NOL6: variants seen among roughly 807,000 people sequenced by gnomAD.
NOL6 encodes nucleolar protein 6.
Under a neutral mutation model 131.7 loss-of-function variants are expected in NOL6, and 33 were observed. That is an observed-to-expected ratio of 0.25 (90% CI 0.19 to 0.33). NOL6 has a LOEUF of 0.33. NOL6 is among the 10% of genes least tolerant of loss of function. NOL6 has a pLI of 1.00. For missense variants in NOL6, 1,297 were observed against 1,494.5 expected (o/e 0.87, Z 2.18); for synonymous variants, 580 against 605.7 (o/e 0.96, Z 0.62).
At chr9:33,464,276 A>C (rs1827181860) in intron 21 of NOL6, 115 bp from the exon 22 acceptor site, 34 of 1,181,148 alleles carry the variant, frequency 2.9e-5, no homozygotes, top group South Asian at 3.7e-5. Flanking sequence ...ATTTTTCAAC[A>C]CTCCCCCCCA....
Position 33,466,399 on chromosome 9 carries a change from T to C in NOL6, c.2118A>G (p.Pro706=). ...TEVFPPTPVR[P]AFSFYETLRE... is the part of the protein sequence containing the mutation. ...GCAGAGTCTCATAGAAGGAGAAGGC[T>C]GGACGGACTGGAGTTGGTGGGAACA... is the stretch of plus-strand genomic sequence containing the variant. Residue 706 remains proline, a synonymous_variant, in exon 17 of 26, where the codon CCA becomes CCG. Transcript: ENST00000297990. The C allele has an allele frequency of 6.2e-7, 1 of 1,614,204 alleles. No homozygotes were observed. The highest frequency in any genetic ancestry group is 8.5e-7 in the Non-Finnish European group (1 of 1,180,038).
At chr9:33,472,881 G>T (rs1397141913) in intron 1 of NOL6, among the ~76,000 whole-genome samples, 1 of 148,362 alleles carries the variant, frequency 6.7e-6, no homozygotes, top group Non-Finnish European at 1.5e-5. Flanking sequence ...ACTGAGGCAG[G>T]AAAATCACTT....
chr9:33,463,561 C>A, intron 23 of NOL6, 120 bp from the exon 24 acceptor site: 2 of 920,458 alleles, frequency 2.2e-6, no homozygotes, highest in Non-Finnish European at 3.3e-6. Context: ...TATGGGCCCA[C>A]CTGCCCATTT....
Position 33,468,745 on chromosome 9 carries a change from G to T in NOL6, c.1147+7C>A. The T allele has an allele frequency of 6.2e-7, 1 of 1,614,124 alleles. No individual in the cohort carries two copies. The highest frequency in any genetic ancestry group is 8.5e-7 in the Non-Finnish European group (1 of 1,180,002). On this transcript the variant is annotated splice_region_variant and intron_variant, in intron 8 of 25. Coordinates refer to ENST00000297990, the MANE Select transcript of NOL6 (RefSeq NM_022917.5). ...GCCCCTGGCCTTTCCCCACCTAGTT[G>T]CCTCACCCAGAAACTGCAAGACACT...
intron 19 of NOL6, 81 bp downstream of exon 19, chr9:33,465,653 T>C (rs560833): frequency 0.56 from 819,221 of 1,458,828 alleles, 231,762 homozygotes; most frequent in African/African-American, 0.59. Flanking sequence ...ATCTGGCCCC[T>C]GGAGAGACAG....
Position 33,471,999 on chromosome 9 carries a change from C to T in NOL6, c.378+5G>A, listed in dbSNP as rs1827422724. The T allele has an allele frequency of 6.2e-7, 1 of 1,606,968 alleles. No homozygotes were observed. The highest frequency in any genetic ancestry group is 1.1e-5 in the South Asian group (1 of 90,898). On this transcript the variant is annotated splice_donor_5th_base_variant and intron_variant, in intron 3 of 25. Transcript: ENST00000297990. Reference sequence around the variant, plus strand: ...GCTTCCCAGTTCCCCAGGCCACTTGCTTACCTCTGTCTCAGGGACTGAGGG... The same window carrying T: ...GCTTCCCAGTTCCCCAGGCCACTTGTTTACCTCTGTCTCAGGGACTGAGGG...
At chr9:33,468,480 G>A in intron 9 of NOL6, 28 bp downstream of exon 9, 1 of 1,613,704 alleles carries the variant, frequency 6.2e-7, no homozygotes, top group Non-Finnish European at 8.5e-7. Context: ...AGGCCTCCTG[G>A]CATAGACCTG....
chr9:33,463,341 G>T lies in NOL6; in HGVS notation c.3095C>A (p.Ser1032Tyr), dbSNP rs1389881054. The change falls in exon 24 of 26, where the codon TCC (serine) becomes TAC (tyrosine). Residue 1032 changes from serine (S) to tyrosine (Y), a missense_variant. By Grantham distance (144) the Ser-to-Tyr change is moderately radical (BLOSUM62 -2). Coordinates refer to ENST00000297990, the MANE Select transcript of NOL6 (RefSeq NM_022917.5). The stretch of plus-strand genomic sequence containing the variant: ...CTGGCTGAGCAGGCCCCGGCAGAAG[G>T]AGGCAGCTGGCGAGTCCACAGCCTG... Reference protein sequence around the residue: ...HRQAVDSPAASFCRGLLSQPG... With the variant: ...HRQAVDSPAAYFCRGLLSQPG... The T allele has an allele frequency of 1.2e-6, 2 of 1,614,134 alleles. No individual in the cohort carries two copies. The highest frequency in any genetic ancestry group is 1.7e-6 in the Non-Finnish European group (2 of 1,179,988).
chr9:33,464,291 G>A (rs1414697226), intron 21 of NOL6, 130 bp from the exon 22 acceptor site: 10 of 1,126,634 alleles, frequency 8.9e-6, no homozygotes, highest in Non-Finnish European at 1.2e-5. Flanking sequence ...CCCCCACCAA[G>A]TGGCAAAGGT....
At chr9:33,471,594 C>A (rs1204171031) in intron 3 of NOL6, among the ~76,000 whole-genome samples, 1 of 152,184 alleles carries the variant, frequency 6.6e-6, no homozygotes, top group Non-Finnish European at 1.5e-5. Flanking sequence ...AATGTCACTT[C>A]AATAAGGCCT....
chr9:33,473,334 G>A (rs936036606), intron 1 of NOL6, among the ~76,000 whole-genome samples: 17 of 152,212 alleles, frequency 1.1e-4, no homozygotes, highest in African/African-American at 4.1e-4. Context: ...AAGCGTGCAG[G>A]ATCCCAAACC....
chr9:33,465,787 G>A lies in NOL6; in HGVS notation c.2475C>T (p.Leu825=), dbSNP rs1232926557. 6.2e-7 allele frequency: 1 copy of A among 1,613,766 alleles called. No individual in the cohort carries two copies. The highest frequency in any genetic ancestry group is 1.7e-5 in the Admixed American group (1 of 59,960). ...MISLRDTAAS[L]RLERDTRQLP... is the part of the protein sequence containing the mutation. ...ACTGCCTTGTGTCTCTCTCAAGGCG[G>A]AGGGAGGCAGCTGTGTCCCTCAGCG... Residue 825 remains leucine (L), a synonymous_variant, in exon 19 of 26, where the codon CTC becomes CTT. Transcript: ENST00000297990.
At chr9:33,472,880 G>A (rs1295301682) in intron 1 of NOL6, among the ~76,000 whole-genome samples, 2 of 151,208 alleles carry the variant, frequency 1.3e-5, no homozygotes, top group Admixed American at 6.6e-5. Flanking sequence ...GACTGAGGCA[G>A]GAAAATCACT....
Position 33,473,772 on chromosome 9 carries a change from C to T in NOL6, c.54+17G>A. 5.0e-6 allele frequency: 8 copies of T among 1,611,820 alleles called. No homozygotes were observed. Among genetic ancestry groups the T allele is most frequent in the East Asian group, 2.2e-5 (1 of 44,884 alleles). On this transcript the variant is annotated intron_variant, in intron 1 of 25. Transcript: ENST00000297990. ...GCGCACATTGAGCCTCTGTTCCTCC[C>T]CGATGGCTCAACCCACCTCTGGCTC...
chr9:33,464,816 C>A, intron 21 of NOL6, 63 bp downstream of exon 21: 3 of 1,230,034 alleles, frequency 2.4e-6, no homozygotes, highest in Non-Finnish European at 3.6e-6. Flanking sequence ...GCCAGGGAAA[C>A]CCTTGCCTGC....
Position 33,473,859 on chromosome 9 carries a change from C to T in NOL6, c.-17G>A, listed in dbSNP as rs773953228. 2 of 1,594,542 alleles carry T rather than the reference C, an allele frequency of 1.3e-6. No homozygotes were observed. The highest frequency in any genetic ancestry group is 1.7e-5 in the Admixed American group (1 of 59,200). ...CGGCCCCATCACTCAGGGTCCAGCA[C>T]TCTCCCGCACTTCAGATTCTAGCCG... On this transcript the variant is annotated 5_prime_UTR_variant, in exon 1 of 26. It adds an upstream start codon to the 5' untranslated region. Transcript: ENST00000297990.
chr9:33,469,944 G>A (rs1827361784), intron 4 of NOL6, 68 bp downstream of exon 4: 1 of 1,445,202 alleles, frequency 6.9e-7, no homozygotes, highest in Non-Finnish European at 9.3e-7. Context: ...CGGCAGATAA[G>A]AAAGAGGGAT....
At chr9:33,463,660 G>C (rs1193080769) in intron 23 of NOL6, among the ~76,000 whole-genome samples, 171 bp downstream of exon 23, 2 of 152,184 alleles carry the variant, frequency 1.3e-5, no homozygotes, top group Non-Finnish European at 2.9e-5. Flanking sequence ...GACCCAGATG[G>C]AACCCAGGTT....
intron 3 of NOL6, among the ~76,000 whole-genome samples, chr9:33,470,905 T>C (rs567775339): frequency 1.3e-5 from 2 of 152,192 alleles, no homozygotes; most frequent in African/African-American, 4.8e-5. Context: ...CTCATCATTG[T>C]CCCTCTCGAT....
Sources: allele counts gnomAD v4.1 joint callset (sites outside exome capture counted in the v4.1 genomes callset), GRCh38; gene constraint gnomAD v4.1.1; transcripts MANE v1.5; gene names NCBI Gene and HGNC (gene_info 2026-07-23, HGNC 2026-07-21).